NACC1: variants seen among roughly 807,000 people sequenced by gnomAD.
NACC1 encodes the protein nucleus accumbens-associated protein 1.
Under a neutral mutation model 41.7 loss-of-function variants are expected in NACC1, and 6 were observed. The ratio of observed to expected loss-of-function variants is 0.14; its 90% CI spans 0.08 to 0.28. The LOEUF is 0.28. Ranked by LOEUF, NACC1 falls within the 10% of genes least tolerant of loss-of-function variation. The probability of loss-of-function intolerance (pLI) is 1.00; values close to 1 mark genes in which losing one functional copy is unlikely to be tolerated. For missense variants in NACC1, 434 were observed against 763.7 expected (o/e 0.57, Z 5.09); for synonymous variants, 338 against 330.6 (o/e 1.02, Z -0.24).
rs1023996547 is a variant in NACC1 at position 13,134,414 on chromosome 19, A to C, written c.-8-786A>C. On this transcript the variant is annotated intron_variant, in intron 1 of 5. Transcript: ENST00000292431. ...TTGAGACAGTCTTACTCTATGCCCC[A>C]GGCTGAAGTGCAGTGCCACAATCTC... Among the ~76,000 whole-genome samples, 3 of 150,296 alleles carry C rather than the reference A, an allele frequency of 2.0e-5. No individual in the cohort carries two copies. In the East Asian group the frequency reaches 5.9e-4, roughly 29 times the overall value.
At chr19:13,131,445 G>GA (rs1273587226) in intron 1 of NACC1, 1 of 152,220 alleles carries the variant, frequency 6.6e-6, no homozygotes, top group Non-Finnish European at 1.5e-5. Context: ...GCTGCCCAGG[G>GA]AGGTGGTTCA....
rs751420914 is a variant in NACC1 at position 13,136,855 on chromosome 19, C to T, written c.1121-416C>T. Among the ~76,000 whole-genome samples, 3 of 152,116 alleles carry T rather than the reference C, an allele frequency of 2.0e-5. No homozygotes were observed. The highest frequency in any genetic ancestry group is 7.2e-5 in the African/African-American group (3 of 41,430). On this transcript the variant is annotated intron_variant, in intron 3 of 5. Coordinates refer to ENST00000292431, the MANE Select transcript of NACC1 (RefSeq NM_052876.4). The surrounding 1 kb of genome is among the most constrained non-coding windows in gnomAD (Gnocchi z 5.5). Reference sequence around the variant, plus strand: ...CCTGGGTGACAGAGTGAGACTTCATCTCTTAAAAAAAGAAGAAGAAGACTG... The same window carrying T: ...CCTGGGTGACAGAGTGAGACTTCATTTCTTAAAAAAAGAAGAAGAAGACTG...
At chr19:13,132,211 T>A (rs952285480) in intron 1 of NACC1, 1 of 151,432 alleles carries the variant, frequency 6.6e-6, no homozygotes, top group African/African-American at 2.4e-5. Context: ...AGGTCAGTAG[T>A]TCAAGACCAG....
intron 1 of NACC1, among the ~76,000 whole-genome samples, chr19:13,134,225 A>T (rs1286305927): frequency 6.6e-6 from 1 of 151,758 alleles, no homozygotes; most frequent in Non-Finnish European, 1.5e-5. Context: ...TGCCGGGGTA[A>T]TTTTTGTATT....
intron 1 of NACC1, among the ~76,000 whole-genome samples, chr19:13,128,992 T>G (rs73509405): frequency 0.037 from 5,674 of 152,220 alleles, 364 homozygotes; most frequent in African/African-American, 0.13. Flanking sequence ...TCTCATATGG[T>G]TTTCTGCCCT....
intron 1 of NACC1, among the ~76,000 whole-genome samples, chr19:13,123,063 T>G (rs888995509): frequency 4.4e-4 from 67 of 152,250 alleles, no homozygotes; most frequent in African/African-American, 1.6e-3. Context: ...TTGAGCCTAG[T>G]ACAATAGTAG....
At position 13,135,594 on chromosome 19, in the gene NACC1, C is replaced by T; in HGVS notation, c.387C>T (p.Asp129=). 1 of 1,593,798 alleles carries T rather than the reference C, an allele frequency of 6.3e-7. No individual in the cohort carries two copies. The highest frequency in any genetic ancestry group is 8.5e-7 in the Non-Finnish European group (1 of 1,172,034). The part of the protein sequence containing the change: ...FFLKVSSPSC[D]SQGLHAEEAP... Reference sequence around the variant, plus strand: ...TCAAGGTGAGCTCCCCGAGCTGCGACTCCCAGGGCCTGCATGCGGAGGAGG... The same window carrying T: ...TCAAGGTGAGCTCCCCGAGCTGCGATTCCCAGGGCCTGCATGCGGAGGAGG... The change falls in exon 2 of 6, where the codon GAC becomes GAT. Residue 129 remains aspartate (D), a synonymous_variant. Transcript: ENST00000292431.
At chr19:13,130,108 G>A (rs1010229674) in intron 1 of NACC1, among the ~76,000 whole-genome samples, 5 of 151,980 alleles carry the variant, frequency 3.3e-5, no homozygotes, top group Admixed American at 1.3e-4. Context: ...ACAGGGTCTC[G>A]CTCTATGACC....
chr19:13,135,881 C>T lies in NACC1; in HGVS notation c.674C>T (p.Ala225Val). 1 of 1,558,118 alleles carries T rather than the reference C, an allele frequency of 6.4e-7. No homozygotes were observed. The highest frequency in any genetic ancestry group is 8.7e-7 in the Non-Finnish European group (1 of 1,153,758). The stretch of plus-strand genomic sequence containing the variant: ...CACCAGCCCCCGCCACCCCAACAGG[C>T]TCCGGTGGTGGCAGCAGCCCAGCCC... ...RPHQPPPPQQ[A>V]PVVAAAQPAV... The change falls in exon 2 of 6, where the codon GCT becomes GTT. Residue 225 changes from alanine (A) to valine (V), a missense_variant. This residue lies in a region of NACC1 where 234 missense variants were observed against 308.3 expected (regional missense o/e 0.76). Coordinates refer to ENST00000292431, the MANE Select transcript of NACC1 (RefSeq NM_052876.4).
chr19:13,127,681 CAA>C (rs907382539), intron 1 of NACC1, among the ~76,000 whole-genome samples: 1 of 126,888 alleles, frequency 7.9e-6, no homozygotes, highest in Non-Finnish European at 1.7e-5. Context: ...GACTCTGCCT[CAA>C]AAAAAAAAAG....
rs370077022 is a variant in NACC1 at position 13,129,058 on chromosome 19, C to G, written c.-8-6142C>G. On this transcript the variant is annotated intron_variant, in intron 1 of 5. Coordinates refer to ENST00000292431, the MANE Select transcript of NACC1 (RefSeq NM_052876.4). ...TTCCTCAGAGGTAAGCTTAAGGGCACTGTGGCCGGGGTGGGGCAGGAGAGG... is the reference window on the plus strand; with the variant it reads ...TTCCTCAGAGGTAAGCTTAAGGGCAGTGTGGCCGGGGTGGGGCAGGAGAGG... 3.9e-5 allele frequency among the ~76,000 whole-genome samples: 6 copies of G among 152,164 alleles called. No individual in the cohort carries two copies. The East Asian group carries it at 7.7e-4, about 20-fold the overall frequency.
chr19:13,122,046 G>T (rs764832859), intron 1 of NACC1, among the ~76,000 whole-genome samples: 7 of 152,162 alleles, frequency 4.6e-5, no homozygotes, highest in African/African-American at 1.7e-4. Context: ...CCTCTGGGCC[G>T]CATGAGGTGG....
chr19:13,128,357 G>T (rs773467760), intron 1 of NACC1, among the ~76,000 whole-genome samples: 2 of 152,200 alleles, frequency 1.3e-5, no homozygotes, highest in Non-Finnish European at 2.9e-5. Flanking sequence ...GTGCCAGCGT[G>T]GTCAGGTTCT....
chr19:13,138,454 C>T lies in NACC1; in HGVS notation c.*48C>T, dbSNP rs776491663. On this transcript the variant is annotated 3_prime_UTR_variant, in exon 6 of 6. Transcript: ENST00000292431. The surrounding 1 kb of genome is among the most constrained non-coding windows in gnomAD (Gnocchi z 5.7). ...CACACACTTCCCCTCCCAACACACA[C>T]ACACACCTGCCATCTTGGTCATGAG... The T allele has an allele frequency of 1.3e-6, 2 of 1,591,120 alleles. No individual in the cohort carries two copies. The highest frequency in any genetic ancestry group is 8.5e-7 in the Non-Finnish European group (1 of 1,173,294).
intron 1 of NACC1, among the ~76,000 whole-genome samples, chr19:13,122,900 C>T (rs10420597): frequency 0.033 from 5,047 of 150,716 alleles, 247 homozygotes; most frequent in African/African-American, 0.12. Flanking sequence ...GACTACGGGG[C>T]GAGCGCCGAT....
chr19:13,125,725 T>A (rs1490194043), intron 1 of NACC1, among the ~76,000 whole-genome samples: 1 of 149,926 alleles, frequency 6.7e-6, no homozygotes, highest in Non-Finnish European at 1.5e-5. Flanking sequence ...CAGCCCTTTT[T>A]AAATTTTTGA....
At chr19:13,124,237 T>C (rs1256783107) in intron 1 of NACC1, among the ~76,000 whole-genome samples, 3 of 151,808 alleles carry the variant, frequency 2.0e-5, no homozygotes, top group Non-Finnish European at 4.4e-5. Flanking sequence ...CAGTCTCTAC[T>C]AAAAATACAA....
chr19:13,119,301 A>C (rs2019458588), intron 1 of NACC1, among the ~76,000 whole-genome samples: 1 of 151,984 alleles, frequency 6.6e-6, no homozygotes, highest in Non-Finnish European at 1.5e-5. Flanking sequence ...TGAAGCCTCT[A>C]GAGTCCTGAC....
rs1189542775 is a variant in NACC1, at chr19:13,118,319, C to G, written c.-144C>G. 1.2e-4 allele frequency: 17 copies of G among 147,370 alleles called. No individual in the cohort carries two copies. The highest frequency in any genetic ancestry group is 2.4e-4 in the Non-Finnish European group (16 of 66,140). 9.1% of individuals were successfully genotyped at this position (147,370 alleles called of 1,614,324 possible). A position where few individuals can be genotyped will look rare whatever the true frequency, so the allele number is the denominator to read the frequency against. On this transcript the variant is annotated 5_prime_UTR_variant, in exon 1 of 6. Coordinates refer to ENST00000292431, the MANE Select transcript of NACC1 (RefSeq NM_052876.4). The stretch of plus-strand genomic sequence containing the variant: ...ATGGCCGCCGCGGCTGCCGCTGCTG[C>G]TGAGGCGGAGGCCGCGGAGGCCGCG...
Sources: allele counts gnomAD v4.1 joint callset (sites outside exome capture counted in the v4.1 genomes callset), GRCh38; gene constraint gnomAD v4.1.1; regional missense constraint gnomAD v4.1.1; non-coding constraint Gnocchi (gnomAD v3.1); transcripts MANE v1.5; gene names NCBI Gene and HGNC (gene_info 2026-07-23, HGNC 2026-07-21).